The following NBAS variants were observed in gnomAD, a reference collection of about 807,000 sequenced individuals.
NBAS encodes the protein NAG/BC035112 fusion.
NBAS carries 219 observed loss-of-function variants against 302.5 expected under a neutral mutation model. That is an observed-to-expected ratio of 0.72 (90% CI 0.65 to 0.81). The LOEUF (loss-of-function observed/expected upper bound fraction) is 0.81, where lower values mean the gene tolerates loss of function less well. Ranked by LOEUF, NBAS falls within the 30% of genes least tolerant of loss-of-function variation. The pLI is 0.00. For synonymous variants in NBAS, 1,118 were observed against 1,021.6 expected, an observed-to-expected ratio of 1.09 and a Z score of -1.80; for missense variants, 2,932 against 2,841.6, an observed-to-expected ratio of 1.03 and a Z score of -0.72.
At chr2:14,983,030 T>C in the NBAS span, among the ~76,000 whole-genome samples, 2 of 152,154 alleles carry the variant, frequency 1.3e-5, no homozygotes, top group African/African-American at 2.4e-5. Context: ...AACAGGGACA[T>C]AGAATCTTTA....
At chr2:14,871,510 A>C in the NBAS span, among the ~76,000 whole-genome samples, 2 of 152,156 alleles carry the variant, frequency 1.3e-5, no homozygotes, top group Non-Finnish European at 2.9e-5. Flanking sequence ...AAACTATCAG[A>C]AATGCAAAAA....
chr2:14,781,758 A>C, the NBAS span, among the ~76,000 whole-genome samples: 6 of 151,862 alleles, frequency 4.0e-5, no homozygotes, highest in South Asian at 8.3e-4. Context: ...AAAAAAAAAA[A>C]AACTGGCATT....
chr2:15,456,919 T>C (rs1003985595), intron 21 of NBAS, among the ~76,000 whole-genome samples: 1 of 151,956 alleles, frequency 6.6e-6, no homozygotes, highest in African/African-American at 2.4e-5. Flanking sequence ...AAACAGAGTA[T>C]AGGCAAAAAG....
At chr2:15,474,555 CTTCTTCT>C (rs1680106662) in intron 14 of NBAS, among the ~76,000 whole-genome samples, 12 of 148,932 alleles carry the variant, frequency 8.1e-5, no homozygotes, top group Admixed American at 7.4e-4. Flanking sequence ...TTTTTTTCTT[CTTCTTCT>C]TCTTCTTCTT....
chr2:14,818,438 G>A, the NBAS span, among the ~76,000 whole-genome samples: 796 of 152,254 alleles, frequency 5.2e-3, 5 homozygotes, highest in African/African-American at 0.018. Flanking sequence ...TGAATTTGCA[G>A]AACACAGATT....
rs1444209031 is a variant in NBAS, at chr2:15,536,455, T to C, written c.610A>G (p.Ile204Val). The C allele has an allele frequency of 3.1e-6, 5 of 1,613,652 alleles. No individual in the cohort carries two copies. Among genetic ancestry groups the C allele is most frequent in the Middle Eastern group, 1.6e-4 (1 of 6,084 alleles). ...CTTCTAAGTTCTCCTCGGTAATTGA[T>C]GACCAGGAGTTCTGCAGACCACTGT... The part of the protein sequence containing the change: ...SAQWSAELLV[I>V]NYRGELRSYL... Residue 204 changes from isoleucine (I) to valine (V), a missense_variant, in exon 8 of 52, where the codon ATC becomes GTC. Coordinates refer to ENST00000281513, the MANE Select transcript of NBAS (RefSeq NM_015909.4).
chr2:14,863,729 G>A, the NBAS span, among the ~76,000 whole-genome samples: 10,151 of 152,276 alleles, frequency 0.067, 435 homozygotes, highest in African/African-American at 0.11. Context: ...AGTCAGAAAC[G>A]AATTGGCTTT....
At chr2:15,526,807 C>A (rs892297166) in intron 9 of NBAS, among the ~76,000 whole-genome samples, 1 of 151,710 alleles carries the variant, frequency 6.6e-6, no homozygotes, top group Non-Finnish European at 1.5e-5. Context: ...ATGGAGACTG[C>A]CCCTCAAAAA....
intron 42 of NBAS, among the ~76,000 whole-genome samples, chr2:15,285,027 G>A (rs963626106): frequency 9.2e-5 from 14 of 152,044 alleles, no homozygotes; most frequent in African/African-American, 3.1e-4. Flanking sequence ...ATCCTTTTAC[G>A]TAACATTCAA....
the NBAS span, among the ~76,000 whole-genome samples, chr2:14,790,834 T>C: frequency 1.3e-5 from 2 of 151,194 alleles, no homozygotes; most frequent in Non-Finnish European, 3.0e-5. Context: ...TGTGTGTGTA[T>C]GTATGTGTGT....
the NBAS span, among the ~76,000 whole-genome samples, chr2:14,977,724 C>T: frequency 6.6e-6 from 1 of 152,190 alleles, no homozygotes; most frequent in Admixed American, 6.5e-5. Flanking sequence ...GTCTTTCCCT[C>T]ATCATTTTTA....
intron 10 of NBAS, among the ~76,000 whole-genome samples, chr2:15,510,865 A>C (rs1342513643): frequency 6.6e-6 from 1 of 152,220 alleles, no homozygotes; most frequent in Non-Finnish European, 1.5e-5. Flanking sequence ...CTTAGAATTA[A>C]ATGAGTTAGA....
the NBAS span, among the ~76,000 whole-genome samples, chr2:15,007,334 G>A: frequency 1.3e-5 from 2 of 152,120 alleles, no homozygotes; most frequent in Non-Finnish European, 2.9e-5. Context: ...CTGTTTGATA[G>A]GTAGGAAGCC....
At chr2:15,385,842 A>G (rs1675264970) in intron 28 of NBAS, among the ~76,000 whole-genome samples, 1 of 152,136 alleles carries the variant, frequency 6.6e-6, no homozygotes, top group African/African-American at 2.4e-5. Flanking sequence ...GATTACCATG[A>G]GTAGAAATTA....
the NBAS span, among the ~76,000 whole-genome samples, chr2:14,835,406 G>A: frequency 4.6e-5 from 7 of 151,902 alleles, no homozygotes; most frequent in South Asian, 2.1e-4. Context: ...TGTAACTCCC[G>A]GCTAGGTGAG....
intron 29 of NBAS, among the ~76,000 whole-genome samples, chr2:15,380,346 T>C (rs911249069): frequency 7.2e-5 from 11 of 152,132 alleles, no homozygotes; most frequent in Non-Finnish European, 1.2e-4. Context: ...TCCCAAAGTG[T>C]TGGGATTAAA....
At chr2:14,969,199 T>C in the NBAS span, among the ~76,000 whole-genome samples, 1 of 151,934 alleles carries the variant, frequency 6.6e-6, no homozygotes, top group Non-Finnish European at 1.5e-5. Context: ...CTGAAGAAAA[T>C]GGGTACCGTG....
At chr2:14,864,837 A>T in the NBAS span, among the ~76,000 whole-genome samples, 2 of 152,222 alleles carry the variant, frequency 1.3e-5, no homozygotes, top group Non-Finnish European at 2.9e-5. Context: ...ACGGTAATAC[A>T]TATAAAGTAC....
chr2:14,960,049 C>T, the NBAS span, among the ~76,000 whole-genome samples: 2 of 152,106 alleles, frequency 1.3e-5, no homozygotes, highest in African/African-American at 4.8e-5. Context: ...ATAGTACTTG[C>T]TAGAACTAAA....
Sources: allele counts gnomAD v4.1 joint callset (sites outside exome capture counted in the v4.1 genomes callset), GRCh38; gene constraint gnomAD v4.1.1; transcripts MANE v1.5; gene names NCBI Gene and HGNC (gene_info 2026-07-23, HGNC 2026-07-21).